HUWE1: variants seen among roughly 807,000 people sequenced by gnomAD.
HUWE1 encodes the protein E3 ubiquitin-protein ligase HUWE1.
Under a neutral mutation model 299.4 loss-of-function variants are expected in HUWE1, and 18 were observed. The observed-to-expected ratio is 0.06, with a 90% CI of 0.04 to 0.09. HUWE1 has a LOEUF of 0.09. Among genes scored for constraint, HUWE1 ranks in the 10% least tolerant of loss-of-function variants. HUWE1 has a pLI of 1.00. For missense variants in HUWE1, 1,832 were observed against 3,462.3 expected, an observed-to-expected ratio of 0.53 and a Z score of 11.82; for synonymous variants, 1,317 against 1,286.1, an observed-to-expected ratio of 1.02 and a Z score of -0.51.
intron 43 of HUWE1, among the ~76,000 whole-genome samples, chrX:53,578,547 C>T (rs1332985047): frequency 1.1e-5 from 1 of 95,063 alleles, no homozygotes. Flanking sequence ...GTCAGCCCCC[C>T]GCCCGGCCAG....
rs781871410 is a variant in HUWE1, at chrX:53,552,894, C to G, written c.8495-1G>C. On this transcript the variant is annotated splice_acceptor_variant, in intron 61 of 83. Coordinates refer to ENST00000262854, the MANE Select transcript of HUWE1 (RefSeq NM_031407.7). LOFTEE classifies it high-confidence loss of function. Reference sequence around the variant, plus strand: ...TCAGCTCTCTCTGGGGAAAGTGAGGCTAGGAAGAAGTTGCAGGGAGAGGTT... The same window carrying G: ...TCAGCTCTCTCTGGGGAAAGTGAGGGTAGGAAGAAGTTGCAGGGAGAGGTT... 8.3e-7 allele frequency: 1 copy of G among 1,211,607 alleles called. No individual in the cohort carries two copies. The highest frequency in any genetic ancestry group is 2.2e-5 in the Admixed American group (1 of 46,054).
chrX:53,654,840 T>G (rs1464025789), intron 3 of HUWE1, among the ~76,000 whole-genome samples: 2 of 112,430 alleles, frequency 1.8e-5, no homozygotes, highest in Non-Finnish European at 3.8e-5. Flanking sequence ...AAGGATTAAG[T>G]ATGACTGTTT....
At chrX:53,656,448 A>G (rs1557043025) in intron 3 of HUWE1, among the ~76,000 whole-genome samples, 2 of 104,318 alleles carry the variant, frequency 1.9e-5, no homozygotes, top group Non-Finnish European at 3.9e-5. Context: ...AGGCTGAGGC[A>G]GGAGAATGGC....
rs1557019994 is a variant in HUWE1 at position 53,628,532 on chromosome X, T to A, written c.1203A>T (p.Glu401Asp). ...YHLASYDAGG[E>D]ALVSCGMMEA... ...CCATCATTCCACAGGAGACCAAGGC[T>A]TCACCACCAGCATCGTAGCTGGCCA... is the stretch of plus-strand genomic sequence containing the variant. Residue 401 changes from glutamate to aspartate, a missense_variant, in exon 15 of 84, where the codon GAA becomes GAT. Coordinates refer to ENST00000262854, the MANE Select transcript of HUWE1 (RefSeq NM_031407.7). The A allele has an allele frequency of 1.7e-6, 2 of 1,164,592 alleles. No individual in the cohort carries two copies. The highest frequency in any genetic ancestry group is 3.8e-5 in the South Asian group (2 of 52,496).
At chrX:53,661,076 C>T (rs1190645467) in intron 3 of HUWE1, among the ~76,000 whole-genome samples, 1 of 105,344 alleles carries the variant, frequency 9.5e-6, no homozygotes, top group African/African-American at 3.5e-5. Context: ...GCTCTGTCGC[C>T]CAGGCTGGAG....
At chrX:53,655,801 T>C (rs1293110561) in intron 3 of HUWE1, among the ~76,000 whole-genome samples, 1 of 112,023 alleles carries the variant, frequency 8.9e-6, no homozygotes, top group Non-Finnish European at 1.9e-5. Flanking sequence ...CTCAAATAAC[T>C]GATGCTTTCC....
intron 9 of HUWE1, chrX:53,632,050 T>C: frequency 2.9e-6 from 1 of 340,916 alleles, no homozygotes; most frequent in Non-Finnish European, 5.5e-6. Flanking sequence ...GTATTTTCAC[T>C]AAGCTACTTC....
chrX:53,649,253 G>A (rs956267274), intron 4 of HUWE1, among the ~76,000 whole-genome samples: 2 of 111,613 alleles, frequency 1.8e-5, no homozygotes, highest in Non-Finnish European at 3.8e-5. Context: ...AAACTCAAAC[G>A]TCTGCCACAT....
chrX:53,675,328 G>A (rs1166302322), intron 3 of HUWE1, among the ~76,000 whole-genome samples: 1 of 111,657 alleles, frequency 9.0e-6, no homozygotes, highest in African/African-American at 3.3e-5. Context: ...TTGGCCCAAA[G>A]GTTTTTCTTG....
At chrX:53,562,288 G>GA in intron 53 of HUWE1, 44 bp from the exon 54 acceptor site, 1 of 1,196,471 alleles carries the variant, frequency 8.4e-7, no homozygotes, top group Non-Finnish European at 1.1e-6. Context: ...TGAGTAGCTA[G>GA]AAAACAGGCT....
At position 53,579,464 on chromosome X, in the gene HUWE1, G is replaced by A. The variant is rs1175139645; in HGVS notation, c.5716+1367C>T. The stretch of plus-strand genomic sequence containing the variant: ...GGGAGGTGTGCCCAGTGGCTCATTG[G>A]GGATGGGCCATGATGACAATGGCGG... On this transcript the variant is annotated intron_variant, in intron 43 of 83. Coordinates refer to ENST00000262854, the MANE Select transcript of HUWE1 (RefSeq NM_031407.7). Among the ~76,000 whole-genome samples, 12 of 112,533 alleles carry A rather than the reference G, an allele frequency of 1.1e-4. No individual in the cohort carries two copies. In the South Asian group the frequency reaches 4.1e-3, roughly 38 times the overall value.
intron 80 of HUWE1, 145 bp downstream of exon 80, chrX:53,536,002 C>T (rs1191829060): frequency 2.8e-6 from 1 of 357,148 alleles, no homozygotes; most frequent in African/African-American, 2.8e-5. Context: ...TGTGATGTCA[C>T]TCACAAACAC....
At position 53,592,421 on chromosome X, in the gene HUWE1, C is replaced by T; in HGVS notation, c.3949G>A (p.Val1317Ile). 2 of 1,209,841 alleles carry T rather than the reference C, an allele frequency of 1.7e-6. No homozygotes were observed. Among genetic ancestry groups the T allele is most frequent in the South Asian group, 3.5e-5 (2 of 56,887 alleles). ...ACCTGTTGCAGTTGTTGCTGGTTGA[C>T]TTGAGGTTCCCGGCGGGAGCCACCT... ...EEGGSRREPQ[V>I]NQQQLQQLMD... is the part of the protein sequence containing the mutation. The change falls in exon 33 of 84, where the codon GTC (valine) becomes ATC (isoleucine). Residue 1317 changes from valine to isoleucine, a missense_variant. Transcript: ENST00000262854.
intron 7 of HUWE1, among the ~76,000 whole-genome samples, chrX:53,639,976 T>C (rs1174199868): frequency 1.8e-5 from 2 of 112,760 alleles, no homozygotes; most frequent in Non-Finnish European, 3.8e-5. Context: ...TCCAGGTTCT[T>C]ATACACATGC....
At chrX:53,658,063 G>A (rs1557043790) in intron 3 of HUWE1, among the ~76,000 whole-genome samples, 13 of 18,935 alleles carry the variant, frequency 6.9e-4, no homozygotes, top group Middle Eastern at 0.05. Flanking sequence ...AAAAAAAAAA[G>A]TCAATTGCTT....
chrX:53,605,689 T>G (rs190598447), intron 25 of HUWE1, among the ~76,000 whole-genome samples: 32 of 111,815 alleles, frequency 2.9e-4, no homozygotes, highest in Middle Eastern at 4.6e-3. Context: ...CTTCTAAAAT[T>G]TATATGAAAT....
chrX:53,593,280 G>C, intron 32 of HUWE1, 84 bp downstream of exon 32: 2 of 703,737 alleles, frequency 2.8e-6, no homozygotes, highest in South Asian at 4.6e-5. Flanking sequence ...AAATAAGCAT[G>C]TTATTTCATT....
chrX:53,679,291 A>C (rs190906116), intron 3 of HUWE1, among the ~76,000 whole-genome samples: 52 of 111,784 alleles, frequency 4.7e-4, no homozygotes, highest in African/African-American at 1.6e-3. Context: ...AAAGAAAAAA[A>C]ACAAAGCTTA....
Position 53,560,213 on chromosome X carries a change from G to A in HUWE1, c.7711C>T (p.Pro2571Ser). The change falls in exon 56 of 84, where the codon CCC becomes TCC. Residue 2571 changes from proline (P) to serine (S), a missense_variant. Around this residue, in one of 15 missense-constraint regions of HUWE1, gnomAD observed 170 missense variants for 335.8 expected, o/e 0.51. Coordinates refer to ENST00000262854, the MANE Select transcript of HUWE1 (RefSeq NM_031407.7). ...CTCTGCAGTATAAGAGGAGGGTTGG[G>A]CTGGCGATTCCCAGGGTAGTGAACA... ...IHVHYPGNRQ[P>S]NPPLILQRLL... 8.4e-7 allele frequency: 1 copy of A among 1,194,512 alleles called. No individual in the cohort carries two copies. The highest frequency in any genetic ancestry group is 1.1e-6 in the Non-Finnish European group (1 of 886,676).
Sources: gnomAD v4.1 joint callset for allele counts (sites outside exome capture counted in the v4.1 genomes callset) on GRCh38, gnomAD v4.1.1 for gene constraint, gnomAD v4.1.1 regional missense constraint, MANE v1.5 for transcripts, NCBI Gene and HGNC (gene_info 2026-07-23, HGNC 2026-07-21) for gene names.